The following GNG7 variants were observed in gnomAD, a reference collection of about 807,000 sequenced individuals.
GNG7 encodes G protein subunit gamma 7.
In GNG7, 1 loss-of-function variant was observed where a neutral mutation model predicts 4.0. The ratio of observed to expected loss-of-function variants is 0.25; its 90% CI spans 0.09 to 1.18. GNG7 has a LOEUF of 1.18. Among genes scored for constraint, GNG7 ranks in the 50% most tolerant of loss-of-function variants. GNG7 has a pLI of 0.50. For synonymous variants in GNG7, 34 were observed against 36.9 expected, an observed-to-expected ratio of 0.92 and a Z score of 0.29; for missense variants, 86 against 91.9, an observed-to-expected ratio of 0.94 and a Z score of 0.26.
At chr19:2,644,103 C>T (rs990287370) in intron 2 of GNG7, among the ~76,000 whole-genome samples, 1 of 151,876 alleles carries the variant, frequency 6.6e-6, no homozygotes, top group Non-Finnish European at 1.5e-5. Flanking sequence ...TCACTGCAAC[C>T]TCCGTCTCCC....
chr19:2,602,921 C>CTTTCTTTCTT (rs1555697069), intron 2 of GNG7, among the ~76,000 whole-genome samples: 5 of 147,162 alleles, frequency 3.4e-5, no homozygotes, highest in African/African-American at 7.7e-5. Flanking sequence ...TTCTTTCTTT[C>CTTTCTTTCTT]TTTTTGTTTC....
At chr19:2,690,890 G>C (rs1241563039) in intron 1 of GNG7, among the ~76,000 whole-genome samples, 2 of 152,128 alleles carry the variant, frequency 1.3e-5, no homozygotes, top group Admixed American at 6.6e-5. Flanking sequence ...CACCGCGCCC[G>C]GCCAGGGCAG....
At chr19:2,562,946 CT>C (rs935252968) in intron 2 of GNG7, among the ~76,000 whole-genome samples, 110 of 150,148 alleles carry the variant, frequency 7.3e-4, no homozygotes, top group Middle Eastern at 3.4e-3. Flanking sequence ...TTTTCTTTTT[CT>C]TTTTTTTTGT....
intron 2 of GNG7, among the ~76,000 whole-genome samples, chr19:2,645,890 G>A (rs917118988): frequency 1.3e-5 from 2 of 152,170 alleles, no homozygotes; most frequent in Non-Finnish European, 2.9e-5. Flanking sequence ...ACGGGTGAAG[G>A]CTCCTTAAAA....
At position 2,644,114 on chromosome 19, in the gene GNG7, G is replaced by A. The variant is rs144920179; in HGVS notation, c.-78+2110C>T. The stretch of plus-strand genomic sequence containing the variant: ...CAGCTCACTGCAACCTCCGTCTCCC[G>A]CGTTCAAGCAATCCTCCCACCTCAG... On this transcript the variant is annotated intron_variant, in intron 2 of 4. Coordinates refer to ENST00000382159, the MANE Select transcript of GNG7 (RefSeq NM_052847.3). Among the ~76,000 whole-genome samples the A allele has an allele frequency of 9.1e-3, 1,382 of 151,788 alleles. 21 individuals are homozygous for A. Among genetic ancestry groups the A allele is most frequent in the African/African-American group, 0.032 (1,305 of 41,392 alleles).
chr19:2,526,093 C>T (rs1978387360), intron 3 of GNG7, among the ~76,000 whole-genome samples: 1 of 151,466 alleles, frequency 6.6e-6, no homozygotes, highest in African/African-American at 2.4e-5. Flanking sequence ...GCTTCAGCTT[C>T]CCAAGTAGCT....
At position 2,557,696 on chromosome 19, in the gene GNG7, C is replaced by G. The variant is rs1979609853; in HGVS notation, c.-77-2508G>C. On this transcript the variant is annotated intron_variant, in intron 2 of 4. Transcript: ENST00000382159. The surrounding 1 kb of genome is among the most constrained non-coding windows in gnomAD (Gnocchi z 5.1). ...CTGATCCATAAAATCAGGACAGTGACCGAGGATGCTGGGGCCACCTCACCT... is the reference window on the plus strand; with the variant it reads ...CTGATCCATAAAATCAGGACAGTGAGCGAGGATGCTGGGGCCACCTCACCT... Among the ~76,000 whole-genome samples, 1 of 152,146 alleles carries G rather than the reference C, an allele frequency of 6.6e-6. No individual in the cohort carries two copies. Among genetic ancestry groups the G allele is most frequent in the Admixed American group, 6.6e-5 (1 of 15,262 alleles).
At chr19:2,654,527 A>C (rs564775251) in intron 1 of GNG7, among the ~76,000 whole-genome samples, 39 of 150,878 alleles carry the variant, frequency 2.6e-4, no homozygotes, top group African/African-American at 9.3e-4. Flanking sequence ...CCCCAGAAAG[A>C]CCTCCTCAGT....
Position 2,597,942 on chromosome 19 carries a change from G to A in GNG7, c.-77-42754C>T, listed in dbSNP as rs568583080. 4.6e-5 allele frequency among the ~76,000 whole-genome samples: 7 copies of A among 151,656 alleles called. No individual in the cohort carries two copies. In the South Asian group the frequency reaches 1.5e-3, roughly 32 times the overall value. ...ATTAAATTTAGAAAGGTAAAAAGCA[G>A]CTCAGGACTGCCAATGTACAATGCG... On this transcript the variant is annotated intron_variant, in intron 2 of 4. Coordinates refer to ENST00000382159, the MANE Select transcript of GNG7 (RefSeq NM_052847.3).
At chr19:2,523,696 T>G (rs2144730743) in intron 3 of GNG7, among the ~76,000 whole-genome samples, 1 of 152,232 alleles carries the variant, frequency 6.6e-6, no homozygotes, top group East Asian at 1.9e-4. Flanking sequence ...TGTGTGACTG[T>G]CTGGCTGCGA....
intron 1 of GNG7, among the ~76,000 whole-genome samples, chr19:2,661,302 G>GAAACAAAGAA: frequency 2.7e-5 from 2 of 73,122 alleles, no homozygotes; most frequent in Admixed American, 3.1e-4. Flanking sequence ...AAGAAAGAAA[G>GAAACAAAGAA]AGAAAGAAAG....
At chr19:2,527,251 G>A (rs2144734193) in intron 3 of GNG7, among the ~76,000 whole-genome samples, 1 of 152,318 alleles carries the variant, frequency 6.6e-6, no homozygotes. Context: ...GACGTCACCT[G>A]TGACTATGAG....
chr19:2,637,671 G>A (rs1340158147), intron 2 of GNG7, among the ~76,000 whole-genome samples: 1 of 152,204 alleles, frequency 6.6e-6, no homozygotes, highest in Non-Finnish European at 1.5e-5. Flanking sequence ...CTCTACTGGG[G>A]CCTCCCCTTG....
chr19:2,525,883 C>T (rs1978376194), intron 3 of GNG7, among the ~76,000 whole-genome samples: 3 of 151,684 alleles, frequency 2.0e-5, no homozygotes. Context: ...GATCTCAGCT[C>T]ACTGCAACCT....
At chr19:2,679,116 T>C (rs1286973991) in intron 1 of GNG7, among the ~76,000 whole-genome samples, 1 of 152,162 alleles carries the variant, frequency 6.6e-6, no homozygotes, top group Non-Finnish European at 1.5e-5. Context: ...GGTGCAATCA[T>C]AGCTCACTGC....
Position 2,513,451 on chromosome 19 carries a change from A to T in GNG7, c.*1571T>A, listed in dbSNP as rs577737702. 38 of 942,040 alleles carry T rather than the reference A, an allele frequency of 4.0e-5. No individual in the cohort carries two copies. In the South Asian group the frequency reaches 1.6e-3, roughly 40 times the overall value. 58.4% of individuals were successfully genotyped at this position (942,040 alleles called of 1,614,324 possible). A position where few individuals can be genotyped will look rare whatever the true frequency, so the allele number is the denominator to read the frequency against. ...CGCAGGTGATGCCGGCAGGCCCTGG[A>T]AGATGTGGCTGCACCTGCTCCCGTC... On this transcript the variant is annotated 3_prime_UTR_variant, in exon 5 of 5. Transcript: ENST00000382159.
At chr19:2,610,669 C>T (rs1008530239) in intron 2 of GNG7, 7 of 150,534 alleles carry the variant, frequency 4.7e-5, no homozygotes, top group East Asian at 2.0e-4. Context: ...TTAGTAGAGA[C>T]GGGGTCTTGC....
chr19:2,550,961 C>A (rs991083393), intron 3 of GNG7, among the ~76,000 whole-genome samples: 3 of 152,266 alleles, frequency 2.0e-5, no homozygotes, highest in South Asian at 2.1e-4. Flanking sequence ...CAGGGCCCGA[C>A]GAGAGCTGCC....
At chr19:2,532,982 A>C (rs1380054307) in intron 3 of GNG7, among the ~76,000 whole-genome samples, 32 of 152,146 alleles carry the variant, frequency 2.1e-4, no homozygotes, top group Non-Finnish European at 1.8e-4. Context: ...TCTCCATAAA[A>C]GGACTTGTAC....
Sources: gnomAD v4.1 joint callset for allele counts (sites outside exome capture counted in the v4.1 genomes callset) on GRCh38, gnomAD v4.1.1 for gene constraint, Gnocchi (gnomAD v3.1) non-coding constraint, MANE v1.5 for transcripts, NCBI Gene and HGNC (gene_info 2026-07-23, HGNC 2026-07-21) for gene names.